TNC: variants seen among roughly 807,000 people sequenced by gnomAD.
The protein encoded by TNC is tenascin C.
A neutral mutation model predicts 202.4 loss-of-function variants in TNC; 109 were observed. The ratio of observed to expected loss-of-function variants is 0.54; its 90% CI spans 0.46 to 0.63. The LOEUF is 0.63. Among genes scored for constraint, TNC ranks in the 30% least tolerant of loss-of-function variants. The probability of loss-of-function intolerance (pLI) is 0.00; values close to 1 mark genes in which losing one functional copy is unlikely to be tolerated. For missense variants in TNC, 2,756 were observed against 2,833.3 expected (o/e 0.97, Z 0.62); for synonymous variants, 1,007 against 1,089.7 (o/e 0.92, Z 1.50).
intron 25 of TNC, among the ~76,000 whole-genome samples, chr9:115,027,735 G>C (rs528859151): frequency 3.9e-5 from 6 of 152,278 alleles, no homozygotes; most frequent in Admixed American, 3.9e-4. Flanking sequence ...TCTGCAGTTA[G>C]GTGGTTGGAA....
rs993518491 is a variant in TNC, at chr9:115,020,517, A to G, written c.*640T>C. On this transcript the variant is annotated 3_prime_UTR_variant, in exon 28 of 28. Transcript: ENST00000350763. ...TGGTGAAATTCAGACTCAACAATTC[A>G]AAGCAAAATAACAAACTCAAAAGTA... is the stretch of plus-strand genomic sequence containing the variant. The G allele has an allele frequency of 9.1e-6, 2 of 220,022 alleles. No individual in the cohort carries two copies. The highest frequency in any genetic ancestry group is 2.2e-4 in the East Asian group (2 of 9,004). 13.6% of individuals were successfully genotyped at this position (220,022 alleles called of 1,614,324 possible).
chr9:115,063,140 A>G lies in TNC; in HGVS notation c.3810T>C (p.Asp1270=), dbSNP rs200744419. ...GCGTGGTCCAGTTCAGTCTGAGAGC[A>G]TCCCAGCTAACCTCGGTCACTGTGA... ...GNLTVTEVSW[D]ALRLNWTTPD... Residue 1270 remains aspartate, a synonymous_variant, in exon 13 of 28, where the codon GAT becomes GAC. Transcript: ENST00000350763. The G allele has an allele frequency of 1.3e-4, 205 of 1,614,108 alleles. 1 individual carries two copies. Among genetic ancestry groups the G allele is most frequent in the Non-Finnish European group, 3.1e-5 (37 of 1,180,042 alleles).
At chr9:115,026,376 G>A (rs2274754) in intron 26 of TNC, among the ~76,000 whole-genome samples, 158 bp downstream of exon 26, 2,611 of 152,308 alleles carry the variant, frequency 0.017, 125 homozygotes, top group East Asian at 0.11. Context: ...CTTTTGAATT[G>A]TAGTTTTTCT....
At chr9:115,096,502 G>A (rs896093110) in intron 1 of TNC, among the ~76,000 whole-genome samples, 3 of 152,108 alleles carry the variant, frequency 2.0e-5, no homozygotes, top group East Asian at 3.8e-4. Flanking sequence ...TTTACTAAGC[G>A]CATGGTACAA....
intron 7 of TNC, among the ~76,000 whole-genome samples, chr9:115,076,885 C>T (rs931258992): frequency 6.6e-6 from 1 of 152,120 alleles, no homozygotes; most frequent in African/African-American, 2.4e-5. Flanking sequence ...TGCATTTTCT[C>T]ATCATATTTC....
At chr9:115,115,384 C>T (rs185550170) in intron 1 of TNC, among the ~76,000 whole-genome samples, 5 of 152,256 alleles carry the variant, frequency 3.3e-5, no homozygotes, top group Admixed American at 6.5e-5. Flanking sequence ...TTGGTGATCA[C>T]GGGGACCTGG....
intron 10 of TNC, among the ~76,000 whole-genome samples, chr9:115,071,345 T>G (rs1046043921): frequency 1.1e-4 from 16 of 152,218 alleles, no homozygotes; most frequent in African/African-American, 3.9e-4. Flanking sequence ...AAGAATGTCT[T>G]TAAATACGAA....
intron 6 of TNC, among the ~76,000 whole-genome samples, chr9:115,080,435 G>A (rs1418483326): frequency 6.6e-6 from 1 of 152,078 alleles, no homozygotes; most frequent in Non-Finnish European, 1.5e-5. Context: ...CTCTGAGCTA[G>A]GCAAAATGTG....
intron 17 of TNC, 113 bp from the exon 18 acceptor site, chr9:115,042,454 A>G: frequency 1.4e-6 from 2 of 1,427,846 alleles, no homozygotes; most frequent in Non-Finnish European, 1.9e-6. Flanking sequence ...TTTGTGTCTG[A>G]GCCAAGCCTT....
intron 20 of TNC, 62 bp downstream of exon 20, chr9:115,038,199 G>C: frequency 1.3e-6 from 2 of 1,568,232 alleles, no homozygotes; most frequent in Middle Eastern, 1.7e-4. Context: ...AGAGCGAATG[G>C]GAAGAGTTTA....
Position 115,118,070 on chromosome 9 carries a change from T to C in TNC, c.-225A>G, listed in dbSNP as rs3748165. On this transcript the variant is annotated 5_prime_UTR_variant, in exon 1 of 28. Transcript: ENST00000350763. ...TTCCCACGTGCGCGTTCCCCCGAGT[T>C]CCCCAGCAGCGCTGCCTTTGTGCCC... 4,494 of 152,166 alleles carry C rather than the reference T, an allele frequency of 0.03. 438 individuals are homozygous for C. In the East Asian group the frequency reaches 0.4, roughly 13 times the overall value. The allele number at this position is 152,166 out of a possible 1,614,324, so 9.4% of individuals were successfully genotyped here.
intron 25 of TNC, among the ~76,000 whole-genome samples, chr9:115,027,449 G>T (rs1829595102): frequency 6.6e-6 from 1 of 152,028 alleles, no homozygotes; most frequent in Non-Finnish European, 1.5e-5. Context: ...AATTAGGAGG[G>T]CATGGTGGAG....
At chr9:115,047,951 C>A (rs1831330985) in intron 16 of TNC, among the ~76,000 whole-genome samples, 9 of 152,072 alleles carry the variant, frequency 5.9e-5, no homozygotes, top group Admixed American at 5.9e-4. Context: ...AGCTGGGGAC[C>A]AGCCAGGTTG....
chr9:115,089,541 C>G (rs762201289), intron 2 of TNC, among the ~76,000 whole-genome samples: 10 of 151,990 alleles, frequency 6.6e-5, no homozygotes, highest in Non-Finnish European at 1.5e-4. Context: ...GCTCTTGTCA[C>G]TCAGGCTGGA....
intron 15 of TNC, chr9:115,055,400 G>C (rs1048714910): frequency 1.3e-5 from 2 of 152,584 alleles, no homozygotes; most frequent in Non-Finnish European, 2.9e-5. Context: ...AGGGTGAAAA[G>C]TGGGTAGCGG....
chr9:115,109,004 CTG>C (rs1182968311), intron 1 of TNC, among the ~76,000 whole-genome samples: 1 of 152,182 alleles, frequency 6.6e-6, no homozygotes, highest in East Asian at 1.9e-4. Flanking sequence ...AGGATCTTGA[CTG>C]TATTGCTTTC....
intron 26 of TNC, among the ~76,000 whole-genome samples, chr9:115,024,386 G>A (rs1829315294): frequency 6.6e-6 from 1 of 152,124 alleles, no homozygotes; most frequent in South Asian, 2.1e-4. Context: ...GTCTAGCTTC[G>A]AATCCCATCT....
rs141939656 is a variant in TNC at position 115,085,987 on chromosome 9, C to T, written c.1744G>A (p.Glu582Lys). The T allele has an allele frequency of 2.2e-5, 35 of 1,613,762 alleles. 1 individual carries two copies. The highest frequency in any genetic ancestry group is 2.7e-5 in the Non-Finnish European group (32 of 1,179,902). Residue 582 changes from glutamate to lysine, a missense_variant, in exon 3 of 28, where the codon GAG becomes AAG. By Grantham distance (56) the Glu-to-Lys change is moderately conservative. Transcript: ENST00000350763. ...CCACAGTCCAGGCCTGTGAAGCCCT[C>T]GTGGCAGATGCACTGGCCGTCCACG... ...RCVDGQCICH[E>K]GFTGLDCGQH...
intron 27 of TNC, 115 bp downstream of exon 27, chr9:115,023,858 C>A: frequency 8.1e-7 from 1 of 1,228,392 alleles, no homozygotes; most frequent in Non-Finnish European, 1.1e-6. Context: ...TGTTGTCATA[C>A]AAGTAAGGTT....
Sources: allele counts gnomAD v4.1 joint callset (sites outside exome capture counted in the v4.1 genomes callset), GRCh38; gene constraint gnomAD v4.1.1; transcripts MANE v1.5; gene names NCBI Gene and HGNC (gene_info 2026-07-23, HGNC 2026-07-21).